The following TRPM3 variants were observed in gnomAD, a reference collection of about 807,000 sequenced individuals.
TRPM3 encodes the protein long transient receptor potential channel 3.
Under a neutral mutation model 181.2 loss-of-function variants are expected in TRPM3, and 77 were observed. The observed-to-expected ratio is 0.42, with a 90% confidence interval of 0.35 to 0.51. TRPM3 has a LOEUF of 0.51. Ranked by LOEUF, TRPM3 falls within the 20% of genes least tolerant of loss-of-function variation. The pLI is 0.01. For synonymous variants in TRPM3, 745 were observed against 796.4 expected, an observed-to-expected ratio of 0.94 and a Z score of 1.09; for missense variants, 1,759 against 2,196.7, an observed-to-expected ratio of 0.80 and a Z score of 3.98.
chr9:71,204,655 C>T (rs2079016686), intron 1 of TRPM3, among the ~76,000 whole-genome samples: 1 of 152,132 alleles, frequency 6.6e-6, no homozygotes, highest in Admixed American at 6.5e-5. Context: ...GTCAGTGTGG[C>T]AATTCTTCAG....
intron 1 of TRPM3, among the ~76,000 whole-genome samples, chr9:71,341,200 G>A (rs1165188097): frequency 6.6e-6 from 1 of 152,136 alleles, no homozygotes; most frequent in Non-Finnish European, 1.5e-5. Context: ...AGTAAAATCT[G>A]CTACAGGCAA....
intron 8 of TRPM3, among the ~76,000 whole-genome samples, chr9:70,685,646 A>G (rs1337874823): frequency 6.6e-6 from 1 of 152,200 alleles, no homozygotes; most frequent in Non-Finnish European, 1.5e-5. Context: ...GACTTAAGCC[A>G]TCCTCACACC....
At chr9:71,281,828 A>G (rs1257914544) in intron 1 of TRPM3, among the ~76,000 whole-genome samples, 2 of 152,136 alleles carry the variant, frequency 1.3e-5, no homozygotes, top group South Asian at 2.1e-4. Flanking sequence ...TTGGGAGGCC[A>G]AGGTGGGCAG....
At chr9:71,285,297 T>A (rs2085187570) in intron 1 of TRPM3, among the ~76,000 whole-genome samples, 1 of 152,368 alleles carries the variant, frequency 6.6e-6, no homozygotes, top group African/African-American at 2.4e-5. Flanking sequence ...CCATTGCTGT[T>A]CAAATTACCT....
intron 1 of TRPM3, among the ~76,000 whole-genome samples, chr9:70,987,897 A>T (rs2097437076): frequency 6.6e-6 from 1 of 152,120 alleles, no homozygotes; most frequent in Admixed American, 6.5e-5. Context: ...AATAATTAAA[A>T]ACATTCCAAC....
intron 1 of TRPM3, among the ~76,000 whole-genome samples, chr9:70,966,971 T>C (rs938561145): frequency 6.6e-6 from 1 of 152,048 alleles, no homozygotes; most frequent in African/African-American, 2.4e-5. Context: ...ACTTAATATA[T>C]AAATGAAATG....
chr9:70,928,286 T>C (rs1822935122), intron 1 of TRPM3, among the ~76,000 whole-genome samples: 1 of 152,214 alleles, frequency 6.6e-6, no homozygotes, highest in Non-Finnish European at 1.5e-5. Flanking sequence ...ATGCATTCTA[T>C]TACAGGCATT....
At chr9:71,164,068 C>T (rs933583850) in intron 1 of TRPM3, among the ~76,000 whole-genome samples, 3 of 152,104 alleles carry the variant, frequency 2.0e-5, no homozygotes. Flanking sequence ...ACAAAGGATG[C>T]AGGGGCACCT....
intron 1 of TRPM3, among the ~76,000 whole-genome samples, chr9:71,029,528 GATTT>G (rs1395951130): frequency 2.6e-5 from 4 of 152,000 alleles, no homozygotes; most frequent in Admixed American, 6.6e-5. Context: ...AGAAGTCTGA[GATTT>G]ATTTGTTCCA....
chr9:71,152,056 GATA>G (rs2075765412), intron 1 of TRPM3, among the ~76,000 whole-genome samples: 1 of 152,050 alleles, frequency 6.6e-6, no homozygotes, highest in South Asian at 2.1e-4. Context: ...CCGATTTTAT[GATA>G]ATGAGAGTTT....
At chr9:70,607,409 A>G (rs3812534) in intron 19 of TRPM3, among the ~76,000 whole-genome samples, 29,999 of 152,094 alleles carry the variant, frequency 0.2, 3,591 homozygotes, top group African/African-American at 0.34. Flanking sequence ...GGCTTTGTCA[A>G]TATGTGAAGA....
At chr9:70,570,930 C>A (rs1055655434) in intron 22 of TRPM3, among the ~76,000 whole-genome samples, 1 of 152,102 alleles carries the variant, frequency 6.6e-6, no homozygotes, top group Non-Finnish European at 1.5e-5. Flanking sequence ...CCTTTTATTC[C>A]ATTGTCTTTC....
At chr9:71,283,444 C>T (rs1367244318) in intron 1 of TRPM3, among the ~76,000 whole-genome samples, 1 of 151,972 alleles carries the variant, frequency 6.6e-6, no homozygotes, top group Non-Finnish European at 1.5e-5. Context: ...CTACAGGCAC[C>T]CACCACCACG....
At chr9:70,967,744 G>T (rs550655790) in intron 1 of TRPM3, among the ~76,000 whole-genome samples, 1 of 152,148 alleles carries the variant, frequency 6.6e-6, no homozygotes, top group Non-Finnish European at 1.5e-5. Context: ...GCATCATTAT[G>T]ATGTGAATAT....
intron 9 of TRPM3, among the ~76,000 whole-genome samples, chr9:70,642,575 ATGT>A (rs912374412): frequency 3.3e-5 from 5 of 152,216 alleles, no homozygotes; most frequent in African/African-American, 1.2e-4. Flanking sequence ...CAATTAAATC[ATGT>A]TGCTTGGGAT....
chr9:71,099,926 T>C (rs2068024866), intron 1 of TRPM3, among the ~76,000 whole-genome samples: 1 of 152,104 alleles, frequency 6.6e-6, no homozygotes, highest in South Asian at 2.1e-4. Flanking sequence ...ATGACTATGA[T>C]ATCCTACCTC....
At chr9:71,239,960 C>A (rs1029087267) in intron 1 of TRPM3, among the ~76,000 whole-genome samples, 1 of 152,008 alleles carries the variant, frequency 6.6e-6, no homozygotes, top group Non-Finnish European at 1.5e-5. Context: ...AAAGGAATTT[C>A]ATTAGAAAAT....
In TRPM3 at chr9:70,625,089, A is replaced by G; in HGVS notation, c.1809+102T>C. On this transcript the variant is annotated intron_variant, in intron 14 of 25. Coordinates refer to ENST00000677713, the MANE Select transcript of TRPM3 (RefSeq NM_001366145.2). This position sits in a 1 kb window ranked among gnomAD's most constrained non-coding sequence, Gnocchi z 4.8. Reference sequence around the variant, plus strand: ...ATTGTTTAGGTTCACTCTCAGCGCAATTTTCTGATTTTAATTCCCCTTGGA... The same window carrying G: ...ATTGTTTAGGTTCACTCTCAGCGCAGTTTTCTGATTTTAATTCCCCTTGGA... 7.4e-7 allele frequency: 1 copy of G among 1,350,876 alleles called. No individual in the cohort carries two copies. Among genetic ancestry groups the G allele is most frequent in the East Asian group, 2.5e-5 (1 of 40,588 alleles). 83.7% of individuals were successfully genotyped at this position (1,350,876 alleles called of 1,614,324 possible).
intron 1 of TRPM3, among the ~76,000 whole-genome samples, chr9:71,374,200 C>G (rs560870752): frequency 1.3e-5 from 2 of 152,068 alleles, no homozygotes; most frequent in African/African-American, 4.8e-5. Flanking sequence ...ATGGTGAAAC[C>G]CCATCTCTAC....
Sources: allele counts gnomAD v4.1 joint callset (sites outside exome capture counted in the v4.1 genomes callset), GRCh38; gene constraint gnomAD v4.1.1; non-coding constraint Gnocchi (gnomAD v3.1); transcripts MANE v1.5; gene names NCBI Gene and HGNC (gene_info 2026-07-23, HGNC 2026-07-21).